Variants in LMF1 observed in about 807,000 individuals in gnomAD.
The protein encoded by LMF1 is transmembrane protein 112.
In LMF1, 68 loss-of-function variants were observed where a neutral mutation model predicts 60.6. The ratio of observed to expected loss-of-function variants is 1.12; its 90% CI spans 0.92 to 1.37. The LOEUF is 1.37. Ranked by LOEUF, LMF1 falls within the 40% of genes most tolerant of loss-of-function variation. The probability of loss-of-function intolerance (pLI) is 0.00; values close to 1 mark genes in which losing one functional copy is unlikely to be tolerated. For synonymous variants in LMF1, 418 were observed against 324.7 expected (o/e 1.29, Z -3.09); for missense variants, 948 against 767.2 (o/e 1.24, Z -2.78).
At chr16:977,181 C>T in intron 1 of LMF1, 1 of 439,306 alleles carries the variant, frequency 2.3e-6, no homozygotes, top group Non-Finnish European at 4.6e-6. Flanking sequence ...GGCCAGTTCT[C>T]AGGCAGACGC....
chr16:912,190 C>T (rs113494640), intron 3 of LMF1, among the ~76,000 whole-genome samples: 37 of 152,244 alleles, frequency 2.4e-4, no homozygotes, highest in African/African-American at 6.0e-4. Flanking sequence ...CGCCACAGAG[C>T]GGATGGGAGA....
chr16:867,223 T>C (rs1388258016), intron 10 of LMF1, among the ~76,000 whole-genome samples: 1 of 152,244 alleles, frequency 6.6e-6, no homozygotes, highest in Non-Finnish European at 1.5e-5. Context: ...TTACTGCTTT[T>C]CACACTTGGT....
intron 5 of LMF1, among the ~76,000 whole-genome samples, chr16:887,355 A>G (rs1270360366): frequency 6.6e-6 from 1 of 152,204 alleles, no homozygotes; most frequent in African/African-American, 2.4e-5. Flanking sequence ...ACGGGGATGC[A>G]CCAGCCACAA....
At chr16:956,252 C>G (rs2072701805) in intron 1 of LMF1, among the ~76,000 whole-genome samples, 1 of 151,634 alleles carries the variant, frequency 6.6e-6, no homozygotes, top group Non-Finnish European at 1.5e-5. Context: ...CTCTCACATC[C>G]ACAGGTCTCC....
In LMF1 at chr16:854,604, G is replaced by A. The variant is rs201312320; in HGVS notation, c.1632C>T (p.Phe544=). ...WWVRKRIGAY[F]PPLSLEELRP... is the part of the protein sequence containing the mutation. The stretch of plus-strand genomic sequence containing the variant: ...TCAGCTCCTCCAGGCTGAGCGGAGG[G>A]AAGTAGGCTCCGATCCTCTTCCGCA... Residue 544 remains phenylalanine (F), a synonymous_variant, in exon 11 of 11, where the codon TTC becomes TTT. Coordinates refer to ENST00000262301, the MANE Select transcript of LMF1 (RefSeq NM_022773.4). The A allele has an allele frequency of 2.5e-6, 4 of 1,606,790 alleles. No homozygotes were observed. The highest frequency in any genetic ancestry group is 3.4e-6 in the Non-Finnish European group (4 of 1,178,218).
At chr16:934,511 T>A in intron 2 of LMF1, 1 of 513,090 alleles carries the variant, frequency 1.9e-6, no homozygotes, top group Non-Finnish European at 3.5e-6. Flanking sequence ...AATAAAAAAA[T>A]ATGTATTTTG....
At chr16:860,757 G>A (rs994217493) in intron 10 of LMF1, among the ~76,000 whole-genome samples, 2 of 151,046 alleles carry the variant, frequency 1.3e-5, no homozygotes, top group African/African-American at 2.5e-5. Context: ...TTGCTTTTGC[G>A]CTTTTGTAAA....
intron 6 of LMF1, 111 bp from the exon 7 acceptor site, chr16:871,452 T>C: frequency 9.1e-7 from 1 of 1,096,670 alleles, no homozygotes; most frequent in African/African-American, 1.6e-5. Flanking sequence ...CACCCAGCTC[T>C]GCCCTTGCTG....
intron 4 of LMF1, among the ~76,000 whole-genome samples, chr16:896,560 G>A (rs2070666796): frequency 6.6e-6 from 1 of 152,198 alleles, no homozygotes; most frequent in South Asian, 2.1e-4. Flanking sequence ...AAACAGGCAT[G>A]AAAACAGCCG....
At chr16:914,671 CCCTCCCT>C (rs2071227193) in intron 3 of LMF1, among the ~76,000 whole-genome samples, 1 of 148,348 alleles carries the variant, frequency 6.7e-6, no homozygotes, top group African/African-American at 2.5e-5. Flanking sequence ...GTGACACACT[CCCTCCCT>C]CCCATGACCA....
intron 4 of LMF1, among the ~76,000 whole-genome samples, chr16:904,377 G>A (rs2070914009): frequency 9.6e-6 from 1 of 104,122 alleles, no homozygotes; most frequent in Admixed American, 9.5e-5. Flanking sequence ...TCTCTGCTGC[G>A]TGGGGTGACC....
At chr16:860,483 G>A (rs766927392) in intron 10 of LMF1, among the ~76,000 whole-genome samples, 14 of 152,090 alleles carry the variant, frequency 9.2e-5, no homozygotes, top group Non-Finnish European at 2.1e-4. Context: ...GGGACTACAG[G>A]CATGTGCCAC....
At chr16:938,773 T>C (rs2072013051) in intron 2 of LMF1, among the ~76,000 whole-genome samples, 1 of 152,150 alleles carries the variant, frequency 6.6e-6, no homozygotes, top group Non-Finnish European at 1.5e-5. Context: ...CCCATTACTG[T>C]GTGAAAACCG....
intron 1 of LMF1, chr16:976,571 T>C (rs1452216737): frequency 2.2e-6 from 1 of 453,920 alleles, no homozygotes; most frequent in Non-Finnish European, 4.4e-6. Flanking sequence ...TAGGGATGTT[T>C]TGGGGCTGCA....
At position 954,544 on chromosome 16, in the gene LMF1, C is replaced by T. The variant is rs745576137; in HGVS notation, c.316G>A (p.Val106Ile). ...AGGATGGTGGGCATGTAGCTGAAGA[C>T]TTCCCAGCTCGTCCTGTCCTGGAAG... The part of the protein sequence containing the change: ...QYFQDRTSWE[V>I]FSYMPTILWL... Residue 106 changes from valine to isoleucine, a missense_variant, in exon 2 of 11, where the codon GTC becomes ATC. Coordinates refer to ENST00000262301, the MANE Select transcript of LMF1 (RefSeq NM_022773.4). 1.9e-6 allele frequency: 3 copies of T among 1,613,214 alleles called. No individual in the cohort carries two copies. In the East Asian group the frequency reaches 6.7e-5, roughly 36 times the overall value.
chr16:943,350 G>A lies in LMF1; in HGVS notation c.504-9096C>T, dbSNP rs553463594. ...CGCGCCACTGCACTCCAGCCTGGGC[G>A]ACAGAGCGAGACTCCATCTCAAAAA... On this transcript the variant is annotated intron_variant, in intron 2 of 10. Coordinates refer to ENST00000262301, the MANE Select transcript of LMF1 (RefSeq NM_022773.4). Among the ~76,000 whole-genome samples the A allele has an allele frequency of 7.2e-5, 10 of 139,390 alleles. No homozygotes were observed. The South Asian group carries it at 7.3e-4, about 10-fold the overall frequency. The allele number at this position is 139,390 out of a possible 152,430, so 91.4% of individuals were successfully genotyped here.
chr16:915,940 C>T (rs932620070), intron 3 of LMF1, among the ~76,000 whole-genome samples: 30 of 152,026 alleles, frequency 2.0e-4, no homozygotes, highest in Admixed American at 7.2e-4. Flanking sequence ...GACACCCAGG[C>T]GCTGCCTGGC....
chr16:889,767 G>A (rs988808658), intron 5 of LMF1, among the ~76,000 whole-genome samples: 4 of 152,188 alleles, frequency 2.6e-5, no homozygotes, highest in African/African-American at 9.7e-5. Context: ...CTTGGAGAGA[G>A]GATTCACGCA....
chr16:887,666 A>G (rs969480422), intron 5 of LMF1, among the ~76,000 whole-genome samples: 2 of 152,088 alleles, frequency 1.3e-5, no homozygotes, highest in African/African-American at 4.8e-5. Flanking sequence ...CCCCACGCAG[A>G]GTGCGCGCTC....
Sources: gnomAD v4.1 joint callset for allele counts (sites outside exome capture counted in the v4.1 genomes callset) on GRCh38, gnomAD v4.1.1 for gene constraint, MANE v1.5 for transcripts, NCBI Gene and HGNC (gene_info 2026-07-23, HGNC 2026-07-21) for gene names.